TMC1: variants seen among roughly 807,000 people sequenced by gnomAD.
TMC1 encodes the protein transmembrane channel like 1.
A neutral mutation model predicts 105.8 loss-of-function variants in TMC1; 84 were observed. The observed-to-expected ratio is 0.79, with a 90% CI of 0.67 to 0.95. The LOEUF (loss-of-function observed/expected upper bound fraction) is 0.95, where lower values mean the gene tolerates loss of function less well. TMC1 is among the 40% of genes least tolerant of loss of function. The pLI is 0.00. For missense variants in TMC1, 817 were observed against 914.1 expected (o/e 0.89, Z 1.37); for synonymous variants, 315 against 311.5 (o/e 1.01, Z -0.12).
At chr9:72,789,610 T>C (rs1452233869) in intron 15 of TMC1, among the ~76,000 whole-genome samples, 3 of 152,196 alleles carry the variant, frequency 2.0e-5, no homozygotes, top group African/African-American at 4.8e-5. Context: ...TCTCAAGAGA[T>C]TGCATTATAT....
intron 13 of TMC1, among the ~76,000 whole-genome samples, chr9:72,786,727 C>G (rs866790288): frequency 4.6e-5 from 7 of 152,126 alleles, no homozygotes; most frequent in African/African-American, 1.7e-4. Flanking sequence ...GGCATCTTTC[C>G]TTATTCCTTT....
At chr9:72,546,102 G>A (rs1023648387) in intron 1 of TMC1, among the ~76,000 whole-genome samples, 2 of 151,276 alleles carry the variant, frequency 1.3e-5, no homozygotes, top group Non-Finnish European at 2.9e-5. Context: ...GGCCAACATG[G>A]TGACACCCCA....
At chr9:72,795,059 G>A (rs1169220996) in intron 17 of TMC1, among the ~76,000 whole-genome samples, 1 of 152,028 alleles carries the variant, frequency 6.6e-6, no homozygotes. Flanking sequence ...TCTGAAATAA[G>A]ACAGTCAGAT....
At chr9:72,634,892 G>C (rs2132138287) in intron 4 of TMC1, among the ~76,000 whole-genome samples, 2 of 152,334 alleles carry the variant, frequency 1.3e-5, no homozygotes, top group South Asian at 4.1e-4. Flanking sequence ...GGAGCATGAA[G>C]CTTCCGTGCA....
chr9:72,765,064 G>C (rs1827809306), intron 12 of TMC1, among the ~76,000 whole-genome samples: 1 of 152,132 alleles, frequency 6.6e-6, no homozygotes, highest in African/African-American at 2.4e-5. Flanking sequence ...AGGCAGATGG[G>C]CAAAAAATTT....
chr9:72,668,348 C>T (rs1309264777), intron 5 of TMC1, among the ~76,000 whole-genome samples: 1 of 152,210 alleles, frequency 6.6e-6, no homozygotes, highest in Non-Finnish European at 1.5e-5. Context: ...CTGTCTGATT[C>T]TGAGAATAAT....
At chr9:72,792,162 A>G (rs763275951) in intron 16 of TMC1, 29 bp from the exon 17 acceptor site, 3 of 1,613,910 alleles carry the variant, frequency 1.9e-6, no homozygotes, top group South Asian at 1.1e-5. Flanking sequence ...TGTTGTCTTC[A>G]TTTTAGTTTC....
At chr9:72,682,781 G>C (rs1258806891) in intron 5 of TMC1, among the ~76,000 whole-genome samples, 1 of 152,214 alleles carries the variant, frequency 6.6e-6, no homozygotes, top group African/African-American at 2.4e-5. Context: ...ACCTGAGACA[G>C]GGTAACCTGT....
chr9:72,598,633 T>C (rs1824758257), intron 2 of TMC1, among the ~76,000 whole-genome samples: 1 of 152,046 alleles, frequency 6.6e-6, no homozygotes, highest in African/African-American at 2.4e-5. Context: ...TCTTAGGTCA[T>C]GAGATTACTG....
At chr9:72,714,282 G>T (rs539601238) in intron 8 of TMC1, among the ~76,000 whole-genome samples, 9 of 152,142 alleles carry the variant, frequency 5.9e-5, no homozygotes, top group Non-Finnish European at 1.0e-4. Context: ...CATTAGGTCT[G>T]CTTGGCCCAG....
At chr9:72,571,304 C>T (rs1343212738) in intron 1 of TMC1, among the ~76,000 whole-genome samples, 1 of 151,376 alleles carries the variant, frequency 6.6e-6, no homozygotes, top group Admixed American at 6.6e-5. Context: ...GACTGGGTGA[C>T]AGAACAAGAC....
At position 72,568,753 on chromosome 9, in the gene TMC1, T is replaced by C. The variant is rs1369724871; in HGVS notation, c.-427-9149T>C. On this transcript the variant is annotated intron_variant, in intron 1 of 23. Coordinates refer to ENST00000297784, the MANE Select transcript of TMC1 (RefSeq NM_138691.3). ...TGATCCAAGATAGTGGACCAAACAT[T>C]TGTATTTACTCATTGTGCCCCTCCA... is the stretch of plus-strand genomic sequence containing the variant. Among the ~76,000 whole-genome samples, 30 of 152,206 alleles carry C rather than the reference T, an allele frequency of 2.0e-4. 1 individual carries two copies. The highest frequency in any genetic ancestry group is 1.9e-3 in the Admixed American group (29 of 15,274).
intron 1 of TMC1, among the ~76,000 whole-genome samples, chr9:72,557,954 A>C (rs6560287): frequency 0.58 from 87,556 of 152,026 alleles, 26,975 homozygotes; most frequent in African/African-American, 0.81. Context: ...GCTTCAGACC[A>C]TGAGAAATTG....
intron 5 of TMC1, among the ~76,000 whole-genome samples, chr9:72,671,742 A>G (rs1046239818): frequency 1.3e-5 from 2 of 152,206 alleles, no homozygotes; most frequent in East Asian, 3.8e-4. Flanking sequence ...AGAGACTTTC[A>G]TTCTTTAAAT....
intron 5 of TMC1, among the ~76,000 whole-genome samples, chr9:72,674,193 G>T (rs935428772): frequency 1.3e-5 from 2 of 152,132 alleles, no homozygotes; most frequent in African/African-American, 4.8e-5. Flanking sequence ...ACACTGTGAA[G>T]ATATTAATTT....
Position 72,792,229 on chromosome 9 carries a change from T to C in TMC1, c.1443T>C (p.Leu481=). 6.2e-7 allele frequency: 1 copy of C among 1,614,146 alleles called. No homozygotes were observed. Among genetic ancestry groups the C allele is most frequent in the Non-Finnish European group, 8.5e-7 (1 of 1,180,006 alleles). ...EEKLVKANIT[L]WEANMIKAYN... The stretch of plus-strand genomic sequence containing the variant: ...AGCTAGTAAAGGCCAATATTACCCT[T>C]TGGGAAGCCAATATGATCAAGGCCT... The change falls in exon 17 of 24, where the codon CTT becomes CTC. Residue 481 remains leucine (L), a synonymous_variant. Transcript: ENST00000297784.
intron 3 of TMC1, among the ~76,000 whole-genome samples, chr9:72,624,241 T>C (rs1309940654): frequency 6.6e-6 from 1 of 152,144 alleles, no homozygotes; most frequent in Non-Finnish European, 1.5e-5. Flanking sequence ...ACACTATTTA[T>C]GGGCTTTCCT....
intron 2 of TMC1, among the ~76,000 whole-genome samples, chr9:72,595,778 G>A (rs943681080): frequency 6.7e-6 from 1 of 150,362 alleles, no homozygotes; most frequent in Non-Finnish European, 1.5e-5. Flanking sequence ...CTGGGCTCAA[G>A]TGATTCTCCT....
intron 8 of TMC1, among the ~76,000 whole-genome samples, chr9:72,707,348 T>C (rs771600098): frequency 3.3e-5 from 5 of 152,186 alleles, no homozygotes; most frequent in Non-Finnish European, 5.9e-5. Context: ...GTTTTCCATA[T>C]TGGTTGTACT....
Sources: gnomAD v4.1 joint callset for allele counts (sites outside exome capture counted in the v4.1 genomes callset) on GRCh38, gnomAD v4.1.1 for gene constraint, MANE v1.5 for transcripts, NCBI Gene and HGNC (gene_info 2026-07-23, HGNC 2026-07-21) for gene names.